AP2S1: variants seen among roughly 807,000 people sequenced by gnomAD.
The protein encoded by AP2S1 is AP-2 complex subunit sigma.
In AP2S1, 6 loss-of-function variants were observed where a neutral mutation model predicts 21.0. That is an observed-to-expected ratio of 0.29 (90% CI 0.16 to 0.56). The LOEUF is 0.56. Ranked by LOEUF, AP2S1 falls within the 20% of genes least tolerant of loss-of-function variation. The pLI is 0.92. For missense variants in AP2S1, 60 were observed against 186.2 expected, an observed-to-expected ratio of 0.32 and a Z score of 3.95; for synonymous variants, 63 against 74.6, an observed-to-expected ratio of 0.84 and a Z score of 0.80.
chr19:46,843,229 C>T (rs1053006735), intron 2 of AP2S1, among the ~76,000 whole-genome samples: 10 of 152,182 alleles, frequency 6.6e-5, no homozygotes, highest in Non-Finnish European at 1.3e-4. Flanking sequence ...ACGCTCCTGG[C>T]CACACCGACG....
intron 2 of AP2S1, among the ~76,000 whole-genome samples, chr19:46,845,421 T>G (rs1275936587): frequency 2.0e-5 from 3 of 147,988 alleles, no homozygotes; most frequent in Non-Finnish European, 4.5e-5. Context: ...AAGTAATTAA[T>G]TAATTAATTA....
At chr19:46,848,148 C>T (rs926892371) in intron 1 of AP2S1, among the ~76,000 whole-genome samples, 1 of 152,090 alleles carries the variant, frequency 6.6e-6, no homozygotes, top group African/African-American at 2.4e-5. Context: ...GCGGGCAGAT[C>T]ACTTGAGGTC....
intron 1 of AP2S1, among the ~76,000 whole-genome samples, chr19:46,848,792 C>G (rs1254037222): frequency 6.6e-6 from 1 of 152,158 alleles, no homozygotes; most frequent in East Asian, 1.9e-4. Flanking sequence ...CGGTTCACTG[C>G]AACCTCTACC....
At chr19:46,839,374 TCAGGAGGGAC>T in intron 3 of AP2S1, 81 bp downstream of exon 3, 1 of 1,368,618 alleles carries the variant, frequency 7.3e-7, no homozygotes, top group Non-Finnish European at 1.0e-6. Context: ...GAGGGAGGGC[TCAGGAGGGAC>T]CAGGGAGGGT....
chr19:46,840,131 G>A (rs2055491556), intron 2 of AP2S1, among the ~76,000 whole-genome samples: 1 of 151,980 alleles, frequency 6.6e-6, no homozygotes, highest in African/African-American at 2.4e-5. Flanking sequence ...CCACCAAGAC[G>A]ATCCTGGGTC....
intron 1 of AP2S1, 130 bp from the exon 2 acceptor site, chr19:46,846,272 G>A: frequency 2.4e-6 from 3 of 1,226,492 alleles, no homozygotes; most frequent in Non-Finnish European, 2.2e-6. Context: ...CTGACTTCCA[G>A]GGGTCTCGGC....
intron 2 of AP2S1, 154 bp from the exon 3 acceptor site, chr19:46,839,732 C>T: frequency 7.7e-7 from 1 of 1,303,796 alleles, no homozygotes; most frequent in Non-Finnish European, 1.0e-6. Context: ...GTGACCGAGA[C>T]AGCCCTAACC....
chr19:46,841,514 G>A (rs2055520204), intron 2 of AP2S1, among the ~76,000 whole-genome samples: 1 of 152,102 alleles, frequency 6.6e-6, no homozygotes, highest in South Asian at 2.1e-4. Context: ...GCTGGGGCAG[G>A]TGTCCCCTCT....
Position 46,845,135 on chromosome 19 carries a change from G to A in AP2S1, c.153+858C>T, listed in dbSNP as rs1003967984. On this transcript the variant is annotated intron_variant, in intron 2 of 4. Transcript: ENST00000263270. ...AAAAAAAAGGCAAAAAAGGCCAGGC[G>A]CAGTGGCTCATGCCTGTAATCCCAG... Among the ~76,000 whole-genome samples the A allele has an allele frequency of 3.3e-4, 47 of 141,060 alleles. 1 individual carries two copies. The highest frequency in any genetic ancestry group is 1.5e-3 in the East Asian group (7 of 4,694). 92.5% of individuals were successfully genotyped at this position (141,060 alleles called of 152,430 possible). A position where few individuals can be genotyped will look rare whatever the true frequency, so the allele number is the denominator to read the frequency against.
intron 2 of AP2S1, among the ~76,000 whole-genome samples, chr19:46,844,409 CCT>C (rs1222700159): frequency 6.6e-6 from 1 of 152,150 alleles, no homozygotes; most frequent in Non-Finnish European, 1.5e-5. Context: ...TTGAAATGTT[CCT>C]CTCAGACATT....
At chr19:46,848,801 C>T (rs1160463993) in intron 1 of AP2S1, among the ~76,000 whole-genome samples, 1 of 152,306 alleles carries the variant, frequency 6.6e-6, no homozygotes, top group South Asian at 2.1e-4. Context: ...GCAACCTCTA[C>T]CTCCAGGTTC....
At chr19:46,843,071 C>T (rs375978809) in intron 2 of AP2S1, among the ~76,000 whole-genome samples, 1,578 of 152,312 alleles carry the variant, frequency 0.01, 12 homozygotes, top group Non-Finnish European at 0.015. Flanking sequence ...TCTTCACCTC[C>T]GCCTGCCCTT....
At chr19:46,839,444 T>TAAAAACC in intron 3 of AP2S1, 21 bp downstream of exon 3, 1 of 939,664 alleles carries the variant, frequency 1.1e-6, no homozygotes, top group Non-Finnish European at 1.7e-6. Context: ...CTCCCCACCT[T>TAAAAACC]ACATCCCTCT....
intron 2 of AP2S1, chr19:46,839,805 A>G (rs960682754): frequency 4.4e-6 from 3 of 687,086 alleles, no homozygotes; most frequent in Non-Finnish European, 7.0e-6. Flanking sequence ...TGAGAGCCCA[A>G]AGAGGGTGCC....
chr19:46,850,551 G>T, intron 1 of AP2S1: 1 of 607,914 alleles, frequency 1.6e-6, no homozygotes, highest in Non-Finnish European at 2.8e-6. Flanking sequence ...CACCCCCAAT[G>T]CCCGTCGCCG....
At chr19:46,845,908 T>C in intron 2 of AP2S1, 85 bp downstream of exon 2, 1 of 1,572,106 alleles carries the variant, frequency 6.4e-7, no homozygotes, top group Non-Finnish European at 8.7e-7. Flanking sequence ...GTCCAAGGGG[T>C]TCTTGCAACT....
chr19:46,842,983 A>G (rs905194483), intron 2 of AP2S1, among the ~76,000 whole-genome samples: 1 of 151,748 alleles, frequency 6.6e-6, no homozygotes, highest in Non-Finnish European at 1.5e-5. Context: ...AAGAACCCTG[A>G]CTCGTCACTT....
At chr19:46,839,805 A>T (rs960682754) in intron 2 of AP2S1, 5 of 687,086 alleles carry the variant, frequency 7.3e-6, no homozygotes, top group Non-Finnish European at 1.2e-5. Context: ...TGAGAGCCCA[A>T]AGAGGGTGCC....
At chr19:46,839,670 A>T in intron 2 of AP2S1, 92 bp from the exon 3 acceptor site, 1 of 1,577,142 alleles carries the variant, frequency 6.3e-7, no homozygotes, top group Non-Finnish European at 8.6e-7. Context: ...TTCACTCCAT[A>T]CGTGGTCCCG....
Sources: gnomAD v4.1 joint callset for allele counts (sites outside exome capture counted in the v4.1 genomes callset) on GRCh38, gnomAD v4.1.1 for gene constraint, MANE v1.5 for transcripts, NCBI Gene and HGNC (gene_info 2026-07-23, HGNC 2026-07-21) for gene names.